Variants in AGBL3 observed in about 807,000 individuals in gnomAD.
AGBL3 encodes the protein AGBL carboxypeptidase 3.
Under a neutral mutation model 94.5 loss-of-function variants are expected in AGBL3, and 68 were observed. The ratio of observed to expected loss-of-function variants is 0.72; its 90% CI spans 0.59 to 0.88. The LOEUF is 0.88. Ranked by LOEUF, AGBL3 falls within the 40% of genes least tolerant of loss-of-function variation. AGBL3 has a pLI of 0.00. For missense variants in AGBL3, 934 were observed against 1,103.8 expected, an observed-to-expected ratio of 0.85 and a Z score of 2.18; for synonymous variants, 354 against 370.7, an observed-to-expected ratio of 0.95 and a Z score of 0.52.
chr7:135,043,372 C>A (rs1419255732), intron 8 of AGBL3, among the ~76,000 whole-genome samples: 2 of 152,072 alleles, frequency 1.3e-5, no homozygotes, highest in African/African-American at 4.8e-5. Context: ...TGCATGTTCT[C>A]ACTTATTTGT....
intron 16 of AGBL3, among the ~76,000 whole-genome samples, chr7:135,123,290 T>C (rs1450165318): frequency 6.6e-6 from 1 of 152,048 alleles, no homozygotes; most frequent in East Asian, 1.9e-4. Context: ...GAAGAAAGGA[T>C]ATCAGAGTTT....
chr7:135,058,087 A>G (rs1563224148), intron 11 of AGBL3, among the ~76,000 whole-genome samples: 1 of 152,190 alleles, frequency 6.6e-6, no homozygotes, highest in Non-Finnish European at 1.5e-5. Context: ...ATTTTTAATA[A>G]TGTATCAGTG....
At chr7:135,131,526 TTAAAA>T (rs1243618870) in intron 16 of AGBL3, among the ~76,000 whole-genome samples, 3 of 151,742 alleles carry the variant, frequency 2.0e-5, no homozygotes, top group Non-Finnish European at 4.4e-5. Flanking sequence ...CTATAATATA[TTAAAA>T]TAAGTGAGAT....
At chr7:135,058,473 T>C (rs1203280398) in intron 11 of AGBL3, among the ~76,000 whole-genome samples, 1 of 152,128 alleles carries the variant, frequency 6.6e-6, no homozygotes. Context: ...GATATAAAAA[T>C]AAATGAATTT....
intron 4 of AGBL3, among the ~76,000 whole-genome samples, chr7:135,008,552 A>G (rs898998560): frequency 6.6e-6 from 1 of 152,122 alleles, no homozygotes; most frequent in African/African-American, 2.4e-5. Flanking sequence ...CATAGAGGCA[A>G]ATCTTCATGA....
intron 5 of AGBL3, among the ~76,000 whole-genome samples, chr7:135,026,749 A>G (rs1815190027): frequency 6.6e-6 from 1 of 151,506 alleles, no homozygotes; most frequent in Admixed American, 6.6e-5. Flanking sequence ...TCTATCTCTT[A>G]TAGATAGTAT....
intron 5 of AGBL3, among the ~76,000 whole-genome samples, chr7:135,019,077 T>C (rs1814129734): frequency 6.6e-6 from 1 of 152,238 alleles, no homozygotes; most frequent in South Asian, 2.1e-4. Context: ...TAGCTTCATA[T>C]AAATTCAGTC....
chr7:135,125,441 CA>C (rs777993621), intron 16 of AGBL3, among the ~76,000 whole-genome samples: 2 of 152,114 alleles, frequency 1.3e-5, no homozygotes, highest in Non-Finnish European at 2.9e-5. Context: ...CAGACGGATT[CA>C]CGGCTGAATT....
chr7:135,094,341 C>G (rs1822322296), intron 15 of AGBL3: 3 of 456,304 alleles, frequency 6.6e-6, no homozygotes, highest in Non-Finnish European at 1.3e-5. Flanking sequence ...TCTGAAGAGA[C>G]AGACGAATCC....
intron 4 of AGBL3, among the ~76,000 whole-genome samples, chr7:135,014,872 G>C (rs1057060796): frequency 6.6e-6 from 1 of 152,228 alleles, no homozygotes; most frequent in East Asian, 1.9e-4. Context: ...GAGGACTCAA[G>C]AGAATGCAGT....
At chr7:135,052,034 A>G (rs183237441) in intron 11 of AGBL3, among the ~76,000 whole-genome samples, 3 of 152,286 alleles carry the variant, frequency 2.0e-5, no homozygotes, top group African/African-American at 7.2e-5. Flanking sequence ...ACACATTTAC[A>G]TAAGAACATC....
At chr7:135,023,350 G>C (rs1814723113) in intron 5 of AGBL3, among the ~76,000 whole-genome samples, 1 of 152,146 alleles carries the variant, frequency 6.6e-6, no homozygotes, top group African/African-American at 2.4e-5. Flanking sequence ...TGAAGAGAAA[G>C]CTAGGAACCC....
At chr7:135,048,432 T>C (rs1817572375) in intron 11 of AGBL3, among the ~76,000 whole-genome samples, 2 of 151,840 alleles carry the variant, frequency 1.3e-5, no homozygotes, top group Non-Finnish European at 2.9e-5. Context: ...AATGTGTAGA[T>C]CACTTAGAGT....
intron 7 of AGBL3, 80 bp from the exon 8 acceptor site, chr7:135,037,338 T>C (rs1029229958): frequency 1.7e-6 from 2 of 1,207,184 alleles, no homozygotes; most frequent in Non-Finnish European, 2.2e-6. Context: ...ATTTGGATAT[T>C]ACACTTATAA....
chr7:134,992,695 C>T (rs577564154), intron 3 of AGBL3, among the ~76,000 whole-genome samples: 1 of 152,176 alleles, frequency 6.6e-6, no homozygotes, highest in Non-Finnish European at 1.5e-5. Flanking sequence ...CTGCCTTGCC[C>T]AAACAAAGTC....
intron 15 of AGBL3, chr7:135,099,926 C>T (rs1823536224): frequency 8.8e-6 from 1 of 113,204 alleles, no homozygotes; most frequent in Non-Finnish European, 1.6e-5. Context: ...CTCGGTCTGT[C>T]GCCCAGGCTG....
intron 4 of AGBL3, among the ~76,000 whole-genome samples, chr7:135,015,181 A>G (rs1188784904): frequency 6.6e-6 from 1 of 152,236 alleles, no homozygotes; most frequent in African/African-American, 2.4e-5. Flanking sequence ...ATTGCTTACT[A>G]TAGAATACTC....
At chr7:134,991,151 A>G (rs1045018995) in intron 3 of AGBL3, among the ~76,000 whole-genome samples, 75 of 126,024 alleles carry the variant, frequency 6.0e-4, no homozygotes, top group African/African-American at 2.2e-3. Flanking sequence ...GTTTGGGACT[A>G]TCTTGCACAT....
chr7:135,107,199 A>C (rs1026569249), intron 15 of AGBL3, among the ~76,000 whole-genome samples: 6 of 151,622 alleles, frequency 4.0e-5, no homozygotes, highest in African/African-American at 1.5e-4. Flanking sequence ...TGGCTTTTTC[A>C]TGTCTCAGTC....
Sources: allele counts gnomAD v4.1 joint callset (sites outside exome capture counted in the v4.1 genomes callset), GRCh38; gene constraint gnomAD v4.1.1; transcripts MANE v1.5; gene names NCBI Gene and HGNC (gene_info 2026-07-23, HGNC 2026-07-21).